TRIM63: variants seen among roughly 807,000 people sequenced by gnomAD.
The protein encoded by TRIM63 is E3 ubiquitin-protein ligase TRIM63.
Under a neutral mutation model 46.0 loss-of-function variants are expected in TRIM63, and 48 were observed. The observed-to-expected ratio is 1.04, with a 90% CI of 0.83 to 1.33. The LOEUF (loss-of-function observed/expected upper bound fraction) is 1.33. TRIM63 is among the 40% of genes most tolerant of loss of function. The pLI is 0.00. For missense variants in TRIM63, 455 were observed against 441.2 expected (o/e 1.03, Z -0.28); for synonymous variants, 175 against 162.8 (o/e 1.08, Z -0.57).
At position 26,057,411 on chromosome 1, in the gene TRIM63, A is replaced by G. The variant is rs577400088; in HGVS notation, c.855-84T>C. 743 of 1,551,544 alleles carry G rather than the reference A, an allele frequency of 4.8e-4. 1 individual carries two copies. Among genetic ancestry groups the G allele is most frequent in the Non-Finnish European group, 3.7e-4 (425 of 1,145,544 alleles). On this transcript the variant is annotated intron_variant, in intron 6 of 8. Transcript: ENST00000374272. The stretch of plus-strand genomic sequence containing the variant: ...AGAGGGCACATGCTTTGCCACGCCC[A>G]GGCCTTCTACCCAGAGGCTCCCCTG...
intron 2 of TRIM63, among the ~76,000 whole-genome samples, chr1:26,065,570 G>T (rs1051677330): frequency 6.6e-6 from 1 of 152,200 alleles, no homozygotes; most frequent in African/African-American, 2.4e-5. Flanking sequence ...GCCTCCCAGA[G>T]TGTTGGGATT....
intron 8 of TRIM63, among the ~76,000 whole-genome samples, chr1:26,052,624 G>A (rs905080583): frequency 4.6e-5 from 7 of 152,014 alleles, no homozygotes; most frequent in East Asian, 3.9e-4. Context: ...CCGTCACCAC[G>A]CCTGGCTAAT....
chr1:26,057,084 G>T, intron 7 of TRIM63, 119 bp downstream of exon 7: 2 of 1,333,950 alleles, frequency 1.5e-6, no homozygotes, highest in Non-Finnish European at 1.0e-6. Flanking sequence ...ATATGAGTTT[G>T]ATTGATATTT....
In TRIM63 at chr1:26,061,328, C is replaced by T. The variant is rs141218809; in HGVS notation, c.339G>A (p.Pro113=). The change falls in exon 3 of 9, where the codon CCG becomes CCA. Residue 113 remains proline (P), a synonymous_variant. Coordinates refer to ENST00000374272, the MANE Select transcript of TRIM63 (RefSeq NM_032588.4). ...DIYKQECSSR[P]LQKGSHPMCK... Reference sequence around the variant, plus strand: ...ACATGGGGTGACTGCCCTTCTGCAGCGGCCGACTGCAGTGGAGAACAGTCA... The same window carrying T: ...ACATGGGGTGACTGCCCTTCTGCAGTGGCCGACTGCAGTGGAGAACAGTCA... 76 of 1,613,768 alleles carry T rather than the reference C, an allele frequency of 4.7e-5. No individual in the cohort carries two copies. Among genetic ancestry groups the T allele is most frequent in the East Asian group, 6.7e-5 (3 of 44,888 alleles).
intron 7 of TRIM63, among the ~76,000 whole-genome samples, chr1:26,055,947 G>C (rs1397933497): frequency 6.6e-6 from 1 of 152,174 alleles, no homozygotes; most frequent in Admixed American, 6.6e-5. Context: ...TATATCTGGG[G>C]CTCTGAAAAC....
chr1:26,054,041 G>C, intron 7 of TRIM63, 77 bp from the exon 8 acceptor site: 1 of 1,083,706 alleles, frequency 9.2e-7, no homozygotes, highest in Non-Finnish European at 1.3e-6. Flanking sequence ...AGGCAAGAGA[G>C]AGCACGGTCT....
At chr1:26,057,767 T>A in intron 5 of TRIM63, 117 bp from the exon 6 acceptor site, 1 of 1,079,840 alleles carries the variant, frequency 9.3e-7, no homozygotes, top group Non-Finnish European at 1.3e-6. Context: ...CCTAGCCCAG[T>A]TGTGACCTGC....
Position 26,067,335 on chromosome 1 carries a change from C to T in TRIM63, c.159+1G>A, listed in dbSNP as rs200967576. On this transcript the variant is annotated splice_donor_variant, in intron 1 of 8. Transcript: ENST00000374272. LOFTEE classifies it high-confidence loss of function. ...CAAATGAAGCTGCACCCGGCACTTA[C>T]CTGGAAGATGTCATTGGCACACTTC... 83 of 1,613,666 alleles carry T rather than the reference C, an allele frequency of 5.1e-5. No homozygotes were observed. Among genetic ancestry groups the T allele is most frequent in the African/African-American group, 9.3e-5 (7 of 74,908 alleles).
intron 4 of TRIM63, among the ~76,000 whole-genome samples, chr1:26,059,423 C>T (rs74375040): frequency 2.0e-3 from 303 of 152,304 alleles, no homozygotes; most frequent in African/African-American, 6.9e-3. Context: ...TCTTCCCTCC[C>T]TTTCAGGACC....
intron 4 of TRIM63, among the ~76,000 whole-genome samples, chr1:26,059,605 T>C (rs1272890752): frequency 2.6e-5 from 4 of 152,196 alleles, no homozygotes; most frequent in African/African-American, 9.7e-5. Context: ...GTGATCACAA[T>C]GTTCCCCTCC....
rs143736501 is a variant in TRIM63, at chr1:26,059,614, C to T, written c.597+652G>A. On this transcript the variant is annotated intron_variant, in intron 4 of 8. Transcript: ENST00000374272. ...TCGTGGGTGATCACAATGTTCCCCT[C>T]CTTCCTACCCTTCGCCCAACTCTTC... Among the ~76,000 whole-genome samples, 590 of 152,310 alleles carry T rather than the reference C, an allele frequency of 3.9e-3. 1 individual carries two copies. The highest frequency in any genetic ancestry group is 0.013 in the African/African-American group (558 of 41,556).
At chr1:26,059,445 C>T (rs141638309) in intron 4 of TRIM63, among the ~76,000 whole-genome samples, 202 of 152,232 alleles carry the variant, frequency 1.3e-3, no homozygotes, top group Middle Eastern at 0.01. Flanking sequence ...AGACTGGATT[C>T]GGGAAGCTCT....
At chr1:26,063,084 G>GTTTGTTTGTTTT (rs1553146198) in intron 2 of TRIM63, among the ~76,000 whole-genome samples, 1 of 149,108 alleles carries the variant, frequency 6.7e-6, no homozygotes, top group Admixed American at 6.6e-5. Flanking sequence ...TTGTTTGTTT[G>GTTTGTTTGTTTT]TTTTGAGACA....
chr1:26,053,814 G>T, intron 8 of TRIM63, 79 bp downstream of exon 8: 2 of 1,093,192 alleles, frequency 1.8e-6, no homozygotes, highest in Non-Finnish European at 2.8e-6. Flanking sequence ...CTAACACAGT[G>T]CTTCACATAC....
Position 26,066,383 on chromosome 1 carries a change from A to G in TRIM63, c.217T>C (p.Phe73Leu). 1 of 1,612,992 alleles carries G rather than the reference A, an allele frequency of 6.2e-7. No homozygotes were observed. Among genetic ancestry groups the G allele is most frequent in the Non-Finnish European group, 8.5e-7 (1 of 1,179,370 alleles). The change falls in exon 2 of 9, where the codon TTC becomes CTC. Residue 73 changes from phenylalanine (F) to leucine (L), a missense_variant. Physicochemically the swap from Phe to Leu is conservative, Grantham distance 22 (BLOSUM62 0). Coordinates refer to ENST00000374272, the MANE Select transcript of TRIM63 (RefSeq NM_032588.4). The part of the protein sequence containing the change: ...GSSVSMSGGR[F>L]RCPTCRHEVI... ...TCGTGGCGGCAGGTGGGGCAGCGGAAACGGCCTCCAGACATGGACACTGAG... is the reference window on the plus strand; with the variant it reads ...TCGTGGCGGCAGGTGGGGCAGCGGAGACGGCCTCCAGACATGGACACTGAG...
chr1:26,058,594 C>A lies in TRIM63; in HGVS notation c.627G>T (p.Leu209=). 6.2e-7 allele frequency: 1 copy of A among 1,614,158 alleles called. No individual in the cohort carries two copies. Among genetic ancestry groups the A allele is most frequent in the Non-Finnish European group, 8.5e-7 (1 of 1,180,034 alleles). The change falls in exon 5 of 9, where the codon CTG becomes CTT. Residue 209 remains leucine (L), a synonymous_variant. Coordinates refer to ENST00000374272, the MANE Select transcript of TRIM63 (RefSeq NM_032588.4). ...CATACAACGTGTCAAACTTCTGGCT[C>A]AGCTCTTCCTTTACCTGGTGACTGT... ...KENSHQVKEE[L]SQKFDTLYAI... is the part of the protein sequence containing the mutation.
In TRIM63 at chr1:26,053,976, A is replaced by C. The variant is rs1307865752; in HGVS notation, c.980-12T>G. The C allele has an allele frequency of 6.4e-6, 10 of 1,574,776 alleles. No homozygotes were observed. The Admixed American group carries it at 1.8e-4, about 29-fold the overall frequency. ...TTCCTCTTCCTCATCTGTGACAAAA[A>C]AACATTTGTGTTAGGATGGGGCCGG... is the stretch of plus-strand genomic sequence containing the variant. On this transcript the variant is annotated splice_polypyrimidine_tract_variant and intron_variant, in intron 7 of 8. Coordinates refer to ENST00000374272, the MANE Select transcript of TRIM63 (RefSeq NM_032588.4).
At chr1:26,063,035 G>A (rs1015338272) in intron 2 of TRIM63, among the ~76,000 whole-genome samples, 1 of 151,498 alleles carries the variant, frequency 6.6e-6, no homozygotes, top group Non-Finnish European at 1.5e-5. Context: ...GGGATTACAG[G>A]CGTGATCCAC....
chr1:26,059,051 G>A (rs547478394), intron 4 of TRIM63, among the ~76,000 whole-genome samples: 2 of 134,430 alleles, frequency 1.5e-5, no homozygotes, highest in East Asian at 2.2e-4. Context: ...TTGAGATGGA[G>A]TCTCGCTCTG....
Sources: allele counts gnomAD v4.1 joint callset (sites outside exome capture counted in the v4.1 genomes callset), GRCh38; gene constraint gnomAD v4.1.1; transcripts MANE v1.5; gene names NCBI Gene and HGNC (gene_info 2026-07-23, HGNC 2026-07-21).